The following DNAH8 variants were observed in gnomAD, a reference collection of about 807,000 sequenced individuals.
DNAH8 encodes the protein axonemal beta dynein heavy chain 8.
Under a neutral mutation model 562.1 loss-of-function variants are expected in DNAH8, and 382 were observed. The ratio of observed to expected loss-of-function variants is 0.68; its 90% confidence interval spans 0.63 to 0.74. The LOEUF (loss-of-function observed/expected upper bound fraction) is 0.74, where lower values mean the gene tolerates loss of function less well. Ranked by LOEUF, DNAH8 falls within the 30% of genes least tolerant of loss-of-function variation. The pLI, the probability that DNAH8 is intolerant of heterozygous loss-of-function variation, is 0.00. For synonymous variants in DNAH8, 1,881 were observed against 1,919.4 expected (o/e 0.98, Z 0.52); for missense variants, 5,203 against 5,620.4 (o/e 0.93, Z 2.37).
At chr6:38,820,437 A>G (rs951478227) in intron 26 of DNAH8, among the ~76,000 whole-genome samples, 2 of 152,222 alleles carry the variant, frequency 1.3e-5, no homozygotes, top group Admixed American at 6.5e-5. Flanking sequence ...CTATAACACT[A>G]TTCCATCTAT....
chr6:38,943,230 G>A (rs1366792677), intron 79 of DNAH8, among the ~76,000 whole-genome samples: 1 of 152,182 alleles, frequency 6.6e-6, no homozygotes, highest in Non-Finnish European at 1.5e-5. Flanking sequence ...AGTACAATTG[G>A]CTTAGCAATA....
chr6:38,903,050 C>G (rs767716732), intron 62 of DNAH8, among the ~76,000 whole-genome samples: 10 of 152,108 alleles, frequency 6.6e-5, no homozygotes, highest in Non-Finnish European at 1.5e-4. Context: ...TTAGAATTGC[C>G]TATGGTATTC....
chr6:38,771,326 G>T (rs564937343), intron 12 of DNAH8, among the ~76,000 whole-genome samples: 65 of 152,278 alleles, frequency 4.3e-4, no homozygotes, highest in African/African-American at 1.5e-3. Context: ...CCAAGTTGCT[G>T]AGTGGGATCC....
rs539334442 is a variant in DNAH8 at position 38,934,863 on chromosome 6, A to G, written c.11458-729A>G. Among the ~76,000 whole-genome samples the G allele has an allele frequency of 2.3e-3, 349 of 152,374 alleles. 2 individuals carry two copies. The highest frequency in any genetic ancestry group is 8.1e-3 in the African/African-American group (338 of 41,594). On this transcript the variant is annotated intron_variant, in intron 76 of 92. Coordinates refer to ENST00000327475, the MANE Select transcript of DNAH8 (RefSeq NM_001206927.2). ...CAACAATAACAATAATGACAACATT[A>G]TGTATTCTATAGAGATATAGTGATA...
rs1297335634 is a variant in DNAH8, at chr6:38,911,514, A to G, written c.9787A>G (p.Ile3263Val). The change falls in exon 66 of 93, where the codon ATA becomes GTA. Residue 3263 changes from isoleucine (I) to valine (V), a missense_variant. Ile to Val is a conservative substitution (Grantham distance 29). Transcript: ENST00000327475. ...GACTCCCAAATCTTACCTCTCATTT[A>G]TAAATGGTTATAAAAACATTTATGC... The part of the protein sequence containing the change: ...HVTPKSYLSF[I>V]NGYKNIYAEK... 6.2e-7 allele frequency: 1 copy of G among 1,613,944 alleles called. No homozygotes were observed. The highest frequency in any genetic ancestry group is 1.1e-5 in the South Asian group (1 of 91,064).
chr6:38,931,676 T>C (rs1214039441), intron 75 of DNAH8, 135 bp from the exon 76 acceptor site: 6 of 507,942 alleles, frequency 1.2e-5, no homozygotes, highest in Non-Finnish European at 1.4e-5. Context: ...AGATCAGTGA[T>C]TAAAATTTTG....
At chr6:38,944,615 A>G (rs1783701254) in intron 79 of DNAH8, among the ~76,000 whole-genome samples, 1 of 152,242 alleles carries the variant, frequency 6.6e-6, no homozygotes, top group Non-Finnish European at 1.5e-5. Context: ...AAATATCATC[A>G]TGTATTTCAT....
At chr6:39,005,357 G>C (rs894965015) in intron 88 of DNAH8, among the ~76,000 whole-genome samples, 5 of 152,102 alleles carry the variant, frequency 3.3e-5, no homozygotes, top group Non-Finnish European at 7.4e-5. Flanking sequence ...AGGTTGCAGC[G>C]AGCACCACTG....
chr6:38,877,476 C>T (rs921335517), intron 53 of DNAH8, among the ~76,000 whole-genome samples: 2 of 152,086 alleles, frequency 1.3e-5, no homozygotes, highest in African/African-American at 4.8e-5. Flanking sequence ...TCAAGGTGGT[C>T]CTGAAGTGGT....
At chr6:38,787,370 TA>T (rs934186669) in intron 18 of DNAH8, among the ~76,000 whole-genome samples, 1 of 152,052 alleles carries the variant, frequency 6.6e-6, no homozygotes, top group African/African-American at 2.4e-5. Flanking sequence ...TTATTTCAAT[TA>T]AAGTTCACTA....
chr6:39,020,675 T>C (rs1766859849), intron 91 of DNAH8, among the ~76,000 whole-genome samples: 1 of 152,108 alleles, frequency 6.6e-6, no homozygotes, highest in African/African-American at 2.4e-5. Flanking sequence ...TCCTTCCCCT[T>C]CCCCCACCAA....
At chr6:38,935,314 G>A (rs1782861719) in intron 76 of DNAH8, among the ~76,000 whole-genome samples, 2 of 152,212 alleles carry the variant, frequency 1.3e-5, no homozygotes, top group Admixed American at 1.3e-4. Context: ...TGGCAAGAGA[G>A]CTTGGGGTAA....
rs1773920906 is a variant in DNAH8 at position 38,832,447 on chromosome 6, A to G, written c.4302+12A>G. 2.7e-6 allele frequency: 4 copies of G among 1,472,326 alleles called. No homozygotes were observed. The highest frequency in any genetic ancestry group is 3.8e-6 in the Non-Finnish European group (4 of 1,052,770). The allele number at this position is 1,472,326 out of a possible 1,614,324, so 91.2% of individuals were successfully genotyped here. A position where few individuals can be genotyped will look rare whatever the true frequency, so the allele number is the denominator to read the frequency against. ...AAGCATATGAATTGGTAATTTAAGT[A>G]TTTTCTTGCTGTATGTTGAAATGTT... is the stretch of plus-strand genomic sequence containing the variant. On this transcript the variant is annotated intron_variant, in intron 31 of 92. Coordinates refer to ENST00000327475, the MANE Select transcript of DNAH8 (RefSeq NM_001206927.2).
chr6:38,920,925 C>T (rs980518872), intron 70 of DNAH8, among the ~76,000 whole-genome samples: 16 of 152,286 alleles, frequency 1.1e-4, no homozygotes, highest in Admixed American at 9.2e-4. Context: ...GGGTCTCACT[C>T]TGTCGCCCAG....
chr6:38,933,605 A>G (rs1237652186), intron 76 of DNAH8, among the ~76,000 whole-genome samples: 4 of 152,206 alleles, frequency 2.6e-5, no homozygotes, highest in Non-Finnish European at 5.9e-5. Flanking sequence ...CATTTTGTCC[A>G]TGTATTCCTA....
intron 60 of DNAH8, 107 bp from the exon 61 acceptor site, chr6:38,898,151 A>C: frequency 9.8e-7 from 1 of 1,017,462 alleles, no homozygotes; most frequent in Non-Finnish European, 1.4e-6. Context: ...AACGTTTAAA[A>C]AAAGATATGT....
At chr6:38,802,213 G>C (rs918881793) in intron 21 of DNAH8, among the ~76,000 whole-genome samples, 1 of 152,000 alleles carries the variant, frequency 6.6e-6, no homozygotes, top group Admixed American at 6.6e-5. Flanking sequence ...TAGGATTACA[G>C]GTATGAGCCA....
chr6:38,882,875 G>A, intron 53 of DNAH8, 35 bp from the exon 54 acceptor site: 1 of 1,420,180 alleles, frequency 7.0e-7, no homozygotes. Flanking sequence ...CACAGAATAT[G>A]GTTCTATTAA....
chr6:38,947,425 T>A (rs1214742753), intron 80 of DNAH8, among the ~76,000 whole-genome samples: 1 of 152,144 alleles, frequency 6.6e-6, no homozygotes, highest in African/African-American at 2.4e-5. Flanking sequence ...GGAAAAGGAA[T>A]GAGAAATGGA....
Sources: gnomAD v4.1 joint callset for allele counts (sites outside exome capture counted in the v4.1 genomes callset) on GRCh38, gnomAD v4.1.1 for gene constraint, MANE v1.5 for transcripts, NCBI Gene and HGNC (gene_info 2026-07-23, HGNC 2026-07-21) for gene names.